Variants in MYO16 observed in about 807,000 individuals in gnomAD.
MYO16 encodes the protein myosin XVI, also known as unconventional myosin-XVI.
In MYO16, 94 loss-of-function variants were observed where a neutral mutation model predicts 205.3. The observed-to-expected ratio is 0.46, with a 90% CI of 0.39 to 0.54. MYO16 has a LOEUF of 0.54. Ranked by LOEUF, MYO16 falls within the 20% of genes least tolerant of loss-of-function variation. The pLI, the probability that MYO16 is intolerant of heterozygous loss-of-function variation, is 0.00. For missense variants in MYO16, 2,315 were observed against 2,387.5 expected, an observed-to-expected ratio of 0.97 and a Z score of 0.63; for synonymous variants, 988 against 954.0, an observed-to-expected ratio of 1.04 and a Z score of -0.66.
rs141100417 is a variant in MYO16, at chr13:108,741,177, C to T, written c.507+13594C>T. On this transcript the variant is annotated intron_variant, in intron 4 of 34. Transcript: ENST00000457511. ...ATCCGACACGCCCCAGTGAGATGAA[C>T]TCGGTACCTCAGTTGGAAATGCAGA... Among the ~76,000 whole-genome samples the T allele has an allele frequency of 5.5e-3, 839 of 152,274 alleles. 6 individuals are homozygous for T. Among genetic ancestry groups the T allele is most frequent in the African/African-American group, 0.019 (784 of 41,568 alleles).
chr13:108,670,682 A>C (rs1881944692), intron 2 of MYO16, among the ~76,000 whole-genome samples: 2 of 152,258 alleles, frequency 1.3e-5, no homozygotes, highest in Admixed American at 1.3e-4. Flanking sequence ...CAAGAATTTC[A>C]GTAATGGTTC....
chr13:109,045,829 T>C (rs34310688), intron 23 of MYO16, among the ~76,000 whole-genome samples: 23,416 of 152,208 alleles, frequency 0.15, 1,890 homozygotes, highest in Non-Finnish European at 0.18. Context: ...ATCCATTCAC[T>C]GCAAAGAATC....
chr13:109,076,386 A>C (rs1412805748), intron 27 of MYO16, among the ~76,000 whole-genome samples: 3 of 152,060 alleles, frequency 2.0e-5, no homozygotes, highest in African/African-American at 7.2e-5. Context: ...ATTTAATGTA[A>C]ACTTCCCTCT....
chr13:108,667,273 A>G (rs181258533), intron 2 of MYO16, among the ~76,000 whole-genome samples: 1,563 of 145,946 alleles, frequency 0.011, 17 homozygotes, highest in South Asian at 0.022. Context: ...ATGGTTTTGT[A>G]TGGGCTTTTT....
At chr13:108,852,864 T>G (rs1877956542) in intron 10 of MYO16, among the ~76,000 whole-genome samples, 1 of 152,178 alleles carries the variant, frequency 6.6e-6, no homozygotes, top group Admixed American at 6.5e-5. Flanking sequence ...AAAAGCAGCT[T>G]CATGATGTTA....
chr13:108,966,943 A>G (rs1475639851), intron 20 of MYO16, among the ~76,000 whole-genome samples: 1 of 152,116 alleles, frequency 6.6e-6, no homozygotes, highest in East Asian at 1.9e-4. Context: ...TAATCGTGTC[A>G]AAAAAGATTA....
intron 2 of MYO16, among the ~76,000 whole-genome samples, chr13:108,675,296 A>T (rs1882153186): frequency 6.6e-6 from 1 of 152,358 alleles, no homozygotes; most frequent in Admixed American, 6.5e-5. Context: ...GGGGCAGGTT[A>T]GAATTTCACA....
Position 109,180,500 on chromosome 13 carries a change from C to A in MYO16, c.5415+867C>A, listed in dbSNP as rs1312339579. 2.0e-5 allele frequency among the ~76,000 whole-genome samples: 3 copies of A among 152,160 alleles called. 1 individual carries two copies. Among genetic ancestry groups the A allele is most frequent in the Non-Finnish European group, 4.4e-5 (3 of 68,032 alleles). On this transcript the variant is annotated intron_variant, in intron 34 of 34. Coordinates refer to ENST00000457511, the MANE Select transcript of MYO16 (RefSeq NM_001198950.3). ...TAAAGTTACAGCACAATTTTTATGT[C>A]AAACATCTACATAAAAGTCTAAAAT...
chr13:108,595,500 G>A (rs890129948), upstream of MYO16, among the ~76,000 whole-genome samples: 12 of 152,230 alleles, frequency 7.9e-5, no homozygotes, highest in African/African-American at 2.6e-4. Flanking sequence ...ATTAACTAGC[G>A]CAGTGAAGGT....
chr13:108,666,813 T>TG (rs371516825), intron 2 of MYO16, among the ~76,000 whole-genome samples: 1 of 152,234 alleles, frequency 6.6e-6, no homozygotes, highest in African/African-American at 2.4e-5. Context: ...ATTTTTTCAC[T>TG]TTTTATATAC....
intron 8 of MYO16, among the ~76,000 whole-genome samples, chr13:108,820,702 T>G (rs1300640562): frequency 6.6e-6 from 1 of 152,200 alleles, no homozygotes; most frequent in African/African-American, 2.4e-5. Context: ...AGTGATTCAT[T>G]CAGTGTAACG....
At chr13:108,736,796 G>C (rs1566578877) in intron 4 of MYO16, among the ~76,000 whole-genome samples, 1 of 152,150 alleles carries the variant, frequency 6.6e-6, no homozygotes, top group Non-Finnish European at 1.5e-5. Flanking sequence ...TCTTCCATTT[G>C]TTTGTGTCCT....
chr13:108,992,469 A>G (rs1460626220), intron 21 of MYO16, 21 bp downstream of exon 21: 5 of 1,467,692 alleles, frequency 3.4e-6, no homozygotes, highest in Non-Finnish European at 4.8e-6. Flanking sequence ...TTTCTTTTAA[A>G]ATTGTGTGAA....
chr13:108,717,569 G>A (rs923304255), intron 3 of MYO16, among the ~76,000 whole-genome samples: 1 of 145,902 alleles, frequency 6.9e-6, no homozygotes, highest in African/African-American at 2.5e-5. Flanking sequence ...GGTGGAGCTT[G>A]CAGTGAGCTG....
rs9559428 is a variant in MYO16, at chr13:108,866,230, T to G, written c.1413T>G (p.Ile471Met). 8.1e-6 allele frequency: 13 copies of G among 1,595,350 alleles called. No homozygotes were observed. The African/African-American group carries it at 1.3e-4, about 16-fold the overall frequency. Residue 471 changes from isoleucine to methionine, a missense_variant, in exon 12 of 35, where the codon ATT becomes ATG. Coordinates refer to ENST00000457511, the MANE Select transcript of MYO16 (RefSeq NM_001198950.3). ...TTAACCCATACAAGGAGCTTCCAAT[T>G]TATTCTTCCATGGTGAGCACAAAAT... ...LLVNPYKELP[I>M]YSSMVSQLYF...
chr13:108,777,589 G>A (rs558641767), intron 4 of MYO16, among the ~76,000 whole-genome samples: 2 of 152,254 alleles, frequency 1.3e-5, no homozygotes, highest in East Asian at 1.9e-4. Context: ...GCTGGAGGGT[G>A]TGCACCACTG....
At chr13:108,638,427 C>T (rs919880259) in intron 1 of MYO16, among the ~76,000 whole-genome samples, 5 of 152,154 alleles carry the variant, frequency 3.3e-5, no homozygotes, top group Non-Finnish European at 7.3e-5. Context: ...TTGCTTCATG[C>T]TCCTCAAATA....
intron 1 of MYO16, among the ~76,000 whole-genome samples, chr13:108,656,827 C>A (rs1396124493): frequency 6.6e-6 from 1 of 152,138 alleles, no homozygotes; most frequent in Non-Finnish European, 1.5e-5. Context: ...TTTTTGAGTT[C>A]TACTCATAAA....
Position 108,666,049 on chromosome 13 carries a change from A to G in MYO16, c.192A>G (p.Glu64=). 6.2e-7 allele frequency: 1 copy of G among 1,614,194 alleles called. No homozygotes were observed. Among genetic ancestry groups the G allele is most frequent in the Non-Finnish European group, 8.5e-7 (1 of 1,180,012 alleles). ...GCGAGAAGGCTTTTCAGAAGCAGGA[A>G]GGGTTCCTGAAAAGGCTGAAGCATG... ...YEREKAFQKQ[E]GFLKRLKHAK... is the part of the protein sequence containing the mutation. Residue 64 remains glutamate, a synonymous_variant, in exon 2 of 35, where the codon GAA becomes GAG. Transcript: ENST00000457511.
Sources: allele counts gnomAD v4.1 joint callset (sites outside exome capture counted in the v4.1 genomes callset), GRCh38; gene constraint gnomAD v4.1.1; transcripts MANE v1.5; gene names NCBI Gene and HGNC (gene_info 2026-07-23, HGNC 2026-07-21).